Variants in MYO3A observed in about 807,000 individuals in gnomAD.
MYO3A encodes the protein myosin IIIA.
In MYO3A, 180 loss-of-function variants were observed where a neutral mutation model predicts 192.7. The observed-to-expected ratio is 0.93, with a 90% CI of 0.83 to 1.06. The LOEUF (loss-of-function observed/expected upper bound fraction) is 1.06. Ranked by LOEUF, MYO3A falls within the 50% of genes least tolerant of loss-of-function variation. The probability of loss-of-function intolerance (pLI) is 0.00; values close to 1 mark genes in which losing one functional copy is unlikely to be tolerated. For synonymous variants in MYO3A, 628 were observed against 645.3 expected (o/e 0.97, Z 0.41); for missense variants, 1,896 against 1,905.0 (o/e 1.00, Z 0.09).
intron 10 of MYO3A, among the ~76,000 whole-genome samples, chr10:26,031,803 A>G (rs766530936): frequency 2.0e-5 from 3 of 152,214 alleles, no homozygotes; most frequent in Non-Finnish European, 4.4e-5. Flanking sequence ...TACCTCCTGT[A>G]TGGAATATTT....
intron 5 of MYO3A, 47 bp from the exon 6 acceptor site, chr10:25,997,112 T>C (rs372170216): frequency 3.0e-5 from 44 of 1,471,030 alleles, no homozygotes; most frequent in Middle Eastern, 1.8e-4. Flanking sequence ...AAATTTTTAT[T>C]GTTTGATGCT....
chr10:26,196,694 GA>G, intron 32 of MYO3A, among the ~76,000 whole-genome samples: 1 of 152,254 alleles, frequency 6.6e-6, no homozygotes, highest in East Asian at 1.9e-4. Context: ...TGGTTTTCAT[GA>G]AAGTCTTTCT....
rs774340884 is a variant in MYO3A, at chr10:25,952,127, GA to G, written c.22del (p.Thr8GlnfsTer32). ...ACCTTTGAGATGTTTCCATTAATTG[GA>G]AAAACAATCATCTTTGATAACTTTC... MFPLI[G>X]KTIIFDNFPD... On this transcript the variant is annotated frameshift_variant, in exon 3 of 35. Coordinates refer to ENST00000642920, the MANE Select transcript of MYO3A (RefSeq NM_017433.5). LOFTEE classifies it high-confidence loss of function. 4 of 1,611,284 alleles carry G rather than the reference GA, an allele frequency of 2.5e-6. No individual in the cohort carries two copies. In the South Asian group the frequency reaches 3.3e-5, roughly 13 times the overall value.
chr10:26,016,656 C>T (rs958677286), intron 6 of MYO3A, among the ~76,000 whole-genome samples, 164 bp from the exon 7 acceptor site: 1 of 152,136 alleles, frequency 6.6e-6, no homozygotes, highest in Non-Finnish European at 1.5e-5. Context: ...TGGTTTTTGG[C>T]TCTGCAGAAA....
At chr10:26,123,765 A>G (rs1407219788) in intron 18 of MYO3A, among the ~76,000 whole-genome samples, 1 of 152,100 alleles carries the variant, frequency 6.6e-6, no homozygotes, top group Non-Finnish European at 1.5e-5. Flanking sequence ...TCTCTACTGA[A>G]AATACAAAAA....
chr10:26,088,344 G>C lies in MYO3A; in HGVS notation c.1501G>C (p.Val501Leu). 2 of 1,613,964 alleles carry C rather than the reference G, an allele frequency of 1.2e-6. No homozygotes were observed. The highest frequency in any genetic ancestry group is 1.7e-6 in the Non-Finnish European group (2 of 1,179,914). The change falls in exon 15 of 35, where the codon GTA becomes CTA. Residue 501 changes from valine (V) to leucine (L), a missense_variant. Transcript: ENST00000642920. The part of the protein sequence containing the change: ...LEMKFTSSGA[V>L]VGAQISEYLL... ...AATGAAATTCACCTCTTCTGGAGCG[G>C]TAGTGGGAGCACAGATTTCTGAATA...
At chr10:26,005,416 G>A (rs1841125844) in intron 6 of MYO3A, among the ~76,000 whole-genome samples, 1 of 152,002 alleles carries the variant, frequency 6.6e-6, no homozygotes, top group Non-Finnish European at 1.5e-5. Context: ...CATAATCCCG[G>A]ATTAGATCAT....
chr10:26,044,290 G>T (rs1420892559), intron 10 of MYO3A, among the ~76,000 whole-genome samples: 2 of 152,208 alleles, frequency 1.3e-5, no homozygotes, highest in Non-Finnish European at 2.9e-5. Flanking sequence ...TTGGAGAAGG[G>T]GTGGAGCAAA....
intron 34 of MYO3A, among the ~76,000 whole-genome samples, chr10:26,211,090 A>G (rs917089417): frequency 3.3e-5 from 5 of 152,242 alleles, no homozygotes; most frequent in Middle Eastern, 3.4e-3. Flanking sequence ...CCTGCACTAG[A>G]CTATAAACTC....
At chr10:26,025,284 G>C (rs11014916) in intron 9 of MYO3A, among the ~76,000 whole-genome samples, 3,845 of 151,918 alleles carry the variant, frequency 0.025, 184 homozygotes, top group African/African-American at 0.087. Context: ...TAGAAATGGC[G>C]CTACTCAAGC....
intron 34 of MYO3A, 124 bp downstream of exon 34, chr10:26,203,231 A>G (rs1843757468): frequency 2.8e-6 from 3 of 1,088,256 alleles, no homozygotes; most frequent in Middle Eastern, 4.4e-4. Context: ...GCATCTTTGG[A>G]GTGATATGGT....
At chr10:26,189,382 G>A (rs1282957596) in intron 31 of MYO3A, among the ~76,000 whole-genome samples, 1 of 152,178 alleles carries the variant, frequency 6.6e-6, no homozygotes, top group Non-Finnish European at 1.5e-5. Context: ...CCTGTAACAG[G>A]TTTAAAATGG....
chr10:26,023,924 G>A, intron 8 of MYO3A, 98 bp from the exon 9 acceptor site: 2 of 1,049,182 alleles, frequency 1.9e-6, no homozygotes, highest in Non-Finnish European at 3.0e-6. Context: ...GATTACAACT[G>A]GCAGAACCTA....
chr10:25,968,855 T>C (rs1199141585), intron 4 of MYO3A, among the ~76,000 whole-genome samples: 4 of 152,260 alleles, frequency 2.6e-5, no homozygotes, highest in African/African-American at 7.2e-5. Context: ...TTGTATATGC[T>C]ACCTGCCTAT....
At chr10:26,161,224 G>A (rs1314689550) in intron 26 of MYO3A, among the ~76,000 whole-genome samples, 1 of 152,182 alleles carries the variant, frequency 6.6e-6, no homozygotes, top group Non-Finnish European at 1.5e-5. Flanking sequence ...CTATGGGGGT[G>A]TAAATAGAAC....
chr10:25,950,135 A>C (rs1389568953), intron 2 of MYO3A, among the ~76,000 whole-genome samples: 4 of 152,078 alleles, frequency 2.6e-5, no homozygotes, highest in Non-Finnish European at 5.9e-5. Context: ...GGCCTTTCTA[A>C]GAAATTGACA....
intron 2 of MYO3A, among the ~76,000 whole-genome samples, chr10:25,938,134 ATAATC>A (rs1328549908): frequency 1.3e-5 from 2 of 152,244 alleles, no homozygotes; most frequent in Admixed American, 6.5e-5. Context: ...TTCCAGGAGA[ATAATC>A]TATAGAATAA....
chr10:26,120,578 G>A lies in MYO3A; in HGVS notation c.1777-98G>A, dbSNP rs569429531. The A allele has an allele frequency of 5.3e-5, 79 of 1,503,436 alleles. No individual in the cohort carries two copies. In the African/African-American group the frequency reaches 9.2e-4, roughly 17 times the overall value. The allele number at this position is 1,503,436 out of a possible 1,614,324, so 93.1% of individuals were successfully genotyped here. Reference sequence around the variant, plus strand: ...TCATAGTCTGTGGATAGATATGAAAGGGCCTGAGGGTTCTCTTCCAGTCTG... The same window carrying A: ...TCATAGTCTGTGGATAGATATGAAAAGGCCTGAGGGTTCTCTTCCAGTCTG... On this transcript the variant is annotated intron_variant, in intron 17 of 34. Transcript: ENST00000642920.
chr10:26,103,765 C>G (rs755454789), intron 17 of MYO3A, among the ~76,000 whole-genome samples: 1 of 152,142 alleles, frequency 6.6e-6, no homozygotes, highest in Non-Finnish European at 1.5e-5. Flanking sequence ...CTAAATTGTT[C>G]AACTGTTCTC....
Sources: allele counts gnomAD v4.1 joint callset (sites outside exome capture counted in the v4.1 genomes callset), GRCh38; gene constraint gnomAD v4.1.1; transcripts MANE v1.5; gene names NCBI Gene and HGNC (gene_info 2026-07-23, HGNC 2026-07-21).